The following OPCML variants were observed in gnomAD, a reference collection of about 807,000 sequenced individuals.
The protein encoded by OPCML is opioid binding protein/cell adhesion molecule like.
OPCML carries 13 observed loss-of-function variants against 37.8 expected under a neutral mutation model. The ratio of observed to expected loss-of-function variants is 0.34; its 90% CI spans 0.22 to 0.55. The LOEUF is 0.55. Ranked by LOEUF, OPCML falls within the 20% of genes least tolerant of loss-of-function variation. The pLI is 0.91. For synonymous variants in OPCML, 176 were observed against 168.8 expected (o/e 1.04, Z -0.33); for missense variants, 341 against 435.6 (o/e 0.78, Z 1.93).
intron 2 of OPCML, among the ~76,000 whole-genome samples, chr11:132,778,702 G>T (rs891098132): frequency 1.3e-4 from 20 of 152,072 alleles, no homozygotes; most frequent in African/African-American, 4.6e-4. Context: ...AAACTGAAAT[G>T]GGCCTTTGAG....
intron 1 of OPCML, among the ~76,000 whole-genome samples, chr11:133,509,569 T>C (rs926355113): frequency 6.6e-6 from 1 of 152,206 alleles, no homozygotes; most frequent in African/African-American, 2.4e-5. Context: ...ACTCTGAGAT[T>C]GTCTTGAAAA....
intron 2 of OPCML, among the ~76,000 whole-genome samples, chr11:132,730,578 A>T (rs963714593): frequency 1.3e-5 from 2 of 152,180 alleles, no homozygotes; most frequent in African/African-American, 4.8e-5. Flanking sequence ...CTGAGTGATA[A>T]ACTGTCAAAG....
chr11:132,813,795 T>TC (rs1253247338), intron 2 of OPCML, among the ~76,000 whole-genome samples: 2 of 152,014 alleles, frequency 1.3e-5, no homozygotes, highest in African/African-American at 4.8e-5. Flanking sequence ...CTCAGCTGCT[T>TC]CCCCCGGTGT....
chr11:133,488,190 C>T (rs1442036059), intron 1 of OPCML, among the ~76,000 whole-genome samples: 2 of 152,022 alleles, frequency 1.3e-5, no homozygotes, highest in African/African-American at 4.8e-5. Flanking sequence ...AGCATTCCCT[C>T]TAAGAAATGG....
Position 133,156,165 on chromosome 11 carries a change from A to G in OPCML, c.62-213155T>C, listed in dbSNP as rs565974796. ...GAGGATGAAATCCCAATTTCTTAGC[A>G]TGGTAAACAGAGCTCCCATTTTTAT... On this transcript the variant is annotated intron_variant, in intron 1 of 7. Transcript: ENST00000524381. Among the ~76,000 whole-genome samples, 298 of 152,318 alleles carry G rather than the reference A, an allele frequency of 2.0e-3. 1 individual carries two copies. The highest frequency in any genetic ancestry group is 6.5e-3 in the African/African-American group (270 of 41,564).
intron 2 of OPCML, among the ~76,000 whole-genome samples, chr11:132,908,668 A>G (rs1299420754): frequency 6.6e-6 from 1 of 152,220 alleles, no homozygotes; most frequent in Non-Finnish European, 1.5e-5. Context: ...CTCACCAGAC[A>G]GTTTCATCTT....
chr11:133,039,230 T>C (rs1947839311), intron 1 of OPCML, among the ~76,000 whole-genome samples: 1 of 152,124 alleles, frequency 6.6e-6, no homozygotes. Flanking sequence ...CCTGAAAAGG[T>C]AAGGCAACAT....
chr11:133,204,909 T>TATATATATATATATATAC (rs1350609719), intron 1 of OPCML, among the ~76,000 whole-genome samples: 1 of 130,686 alleles, frequency 7.7e-6, no homozygotes, highest in Non-Finnish European at 1.6e-5. Flanking sequence ...TATATATATA[T>TATATATATATATATATAC]ACATACACAT....
intron 1 of OPCML, among the ~76,000 whole-genome samples, chr11:133,058,416 G>C (rs894844060): frequency 4.6e-5 from 7 of 152,200 alleles, no homozygotes; most frequent in African/African-American, 1.7e-4. Flanking sequence ...GGCACGCGGG[G>C]TGCATCCTGA....
intron 1 of OPCML, among the ~76,000 whole-genome samples, chr11:133,484,187 G>C (rs1245675054): frequency 1.3e-5 from 2 of 151,958 alleles, no homozygotes; most frequent in African/African-American, 4.8e-5. Context: ...TAGATAGATA[G>C]ATAGATGTAA....
Position 132,529,074 on chromosome 11 carries a change from G to A in OPCML, c.492C>T (p.His164=). The change falls in exon 4 of 8, where the codon CAC becomes CAT. Residue 164 remains histidine (H), a synonymous_variant. Coordinates refer to ENST00000524381, the MANE Select transcript of OPCML (RefSeq NM_001012393.5). ...GRPEPTVTWR[H]LSVKEGQGFV... is the part of the protein sequence containing the mutation. ...TCAGCACCTTACCCTTGACTGACAG[G>A]TGTCTCCATGTCACAGTTGGCTCTG... 1 of 1,612,246 alleles carries A rather than the reference G, an allele frequency of 6.2e-7. No homozygotes were observed. The highest frequency in any genetic ancestry group is 8.5e-7 in the Non-Finnish European group (1 of 1,178,680).
intron 2 of OPCML, among the ~76,000 whole-genome samples, chr11:132,743,770 TCTCC>T (rs1180994447): frequency 6.6e-6 from 1 of 152,128 alleles, no homozygotes; most frequent in Non-Finnish European, 1.5e-5. Context: ...TCCGCTGAGG[TCTCC>T]CTCCATGTTC....
chr11:133,360,752 A>G (rs140379245), intron 1 of OPCML: 2 of 152,252 alleles, frequency 1.3e-5, no homozygotes, highest in African/African-American at 2.4e-5. Flanking sequence ...CGTGGGGAAT[A>G]TTTAGGAACA....
intron 1 of OPCML, among the ~76,000 whole-genome samples, chr11:132,952,591 A>G (rs960997103): frequency 6.6e-6 from 1 of 152,148 alleles, no homozygotes; most frequent in Admixed American, 6.5e-5. Flanking sequence ...ATCACAGACC[A>G]CATCACATCC....
At chr11:133,327,390 C>A (rs982219938) in intron 1 of OPCML, among the ~76,000 whole-genome samples, 1 of 151,938 alleles carries the variant, frequency 6.6e-6, no homozygotes, top group African/African-American at 2.4e-5. Flanking sequence ...TATTTACGCT[C>A]ATTGCAGAGA....
chr11:132,535,538 A>T (rs2096338381), intron 3 of OPCML, among the ~76,000 whole-genome samples: 1 of 152,068 alleles, frequency 6.6e-6, no homozygotes, highest in Non-Finnish European at 1.5e-5. Flanking sequence ...CTCGTATGTG[A>T]TGGGTGTTTG....
chr11:133,393,632 C>T (rs529339554), intron 1 of OPCML, among the ~76,000 whole-genome samples: 16 of 152,280 alleles, frequency 1.1e-4, no homozygotes, highest in African/African-American at 2.9e-4. Context: ...TGAGAAGCTC[C>T]GTGGATCCTA....
intron 4 of OPCML, among the ~76,000 whole-genome samples, chr11:132,513,835 G>A (rs1232228869): frequency 2.0e-5 from 3 of 152,076 alleles, no homozygotes; most frequent in African/African-American, 7.2e-5. Flanking sequence ...CACTTTTATT[G>A]TACTATAATT....
chr11:132,863,338 C>T (rs1026169559), intron 2 of OPCML, among the ~76,000 whole-genome samples: 3 of 152,142 alleles, frequency 2.0e-5, no homozygotes, highest in Admixed American at 6.6e-5. Flanking sequence ...TAAACATATT[C>T]AGCTGAAAAG....
Sources: gnomAD v4.1 joint callset for allele counts (sites outside exome capture counted in the v4.1 genomes callset) on GRCh38, gnomAD v4.1.1 for gene constraint, MANE v1.5 for transcripts, NCBI Gene and HGNC (gene_info 2026-07-23, HGNC 2026-07-21) for gene names.